The following PTPRD variants were observed in gnomAD, a reference collection of about 807,000 sequenced individuals.
PTPRD encodes protein tyrosine phosphatase receptor type D.
PTPRD carries 34 observed loss-of-function variants against 214.5 expected under a neutral mutation model. The observed-to-expected ratio is 0.16, with a 90% CI of 0.12 to 0.21. The LOEUF (loss-of-function observed/expected upper bound fraction) is 0.21. Ranked by LOEUF, PTPRD falls within the 10% of genes least tolerant of loss-of-function variation. The probability of loss-of-function intolerance (pLI) is 1.00; values close to 1 mark genes in which losing one functional copy is unlikely to be tolerated. For missense variants in PTPRD, 2,545 were observed against 2,398.7 expected (o/e 1.06, Z -1.27); for synonymous variants, 1,128 against 845.7 (o/e 1.33, Z -5.79).
intron 6 of PTPRD, among the ~76,000 whole-genome samples, chr9:9,752,024 T>G (rs1282463404): frequency 6.6e-6 from 1 of 152,144 alleles, no homozygotes; most frequent in African/African-American, 2.4e-5. Flanking sequence ...TCATTTCTAT[T>G]TTTAGGAATT....
At chr9:9,360,542 G>A (rs2055697208) in intron 9 of PTPRD, among the ~76,000 whole-genome samples, 1 of 150,966 alleles carries the variant, frequency 6.6e-6, no homozygotes, top group African/African-American at 2.4e-5. Flanking sequence ...TCTGAAATAG[G>A]TAAATTGGGA....
Position 9,914,140 on chromosome 9 carries a change from C to T in PTPRD, c.-368+24367G>A, listed in dbSNP as rs1278628111. Among the ~76,000 whole-genome samples the T allele has an allele frequency of 2.0e-5, 3 of 152,184 alleles. No homozygotes were observed. The East Asian group carries it at 5.8e-4, about 29-fold the overall frequency. ...AACTAGCCAAATGCTGCACTCCTTT[C>T]CCAATGCAGGAGAGAACTCCGAGGT... On this transcript the variant is annotated intron_variant, in intron 5 of 45. Transcript: ENST00000381196.
At chr9:9,517,632 C>T (rs1319322206) in intron 8 of PTPRD, among the ~76,000 whole-genome samples, 2 of 151,792 alleles carry the variant, frequency 1.3e-5, no homozygotes, top group Non-Finnish European at 2.9e-5. Context: ...CATTAGAATC[C>T]AATTTACAAA....
intron 3 of PTPRD, among the ~76,000 whole-genome samples, chr9:10,048,822 T>C (rs963397274): frequency 2.0e-5 from 3 of 152,044 alleles, no homozygotes; most frequent in Non-Finnish European, 1.5e-5. Context: ...ATGCTAACAA[T>C]TCATAGTAAC....
intron 5 of PTPRD, among the ~76,000 whole-genome samples, chr9:9,798,719 G>C (rs2153500271): frequency 1.3e-5 from 2 of 152,290 alleles, no homozygotes; most frequent in Middle Eastern, 3.4e-3. Context: ...GTAGAGAAGA[G>C]AACAAGAAGG....
intron 10 of PTPRD, among the ~76,000 whole-genome samples, chr9:9,079,801 A>G (rs370388772): frequency 9.9e-5 from 15 of 152,184 alleles, no homozygotes; most frequent in African/African-American, 3.6e-4. Flanking sequence ...ACCAAAATTC[A>G]GCCCATATGC....
At chr9:8,948,406 AATATATATAT>A (rs200142612) in intron 11 of PTPRD, among the ~76,000 whole-genome samples, 19 of 57,122 alleles carry the variant, frequency 3.3e-4, no homozygotes, top group Non-Finnish European at 6.0e-4. Context: ...TTGGGTTTAA[AATATATATAT>A]ATATATATTT....
chr9:8,777,208 G>A (rs576390921), intron 11 of PTPRD, among the ~76,000 whole-genome samples: 26 of 151,884 alleles, frequency 1.7e-4, no homozygotes, highest in African/African-American at 6.0e-4. Context: ...TTGAACTCCT[G>A]GGCTCAAGTG....
intron 2 of PTPRD, among the ~76,000 whole-genome samples, chr9:10,595,624 TTTTAA>T (rs1336473561): frequency 3.3e-5 from 5 of 151,510 alleles, no homozygotes; most frequent in Admixed American, 6.6e-5. Flanking sequence ...TTCTGGGTAC[TTTTAA>T]TTTAATTGAT....
intron 11 of PTPRD, among the ~76,000 whole-genome samples, chr9:8,919,685 T>G (rs2098811438): frequency 6.6e-6 from 1 of 152,148 alleles, no homozygotes; most frequent in South Asian, 2.1e-4. Context: ...GTGTATATAT[T>G]TATACATGCA....
At chr9:10,494,372 T>C (rs1282489730) in intron 2 of PTPRD, among the ~76,000 whole-genome samples, 1 of 151,808 alleles carries the variant, frequency 6.6e-6, no homozygotes, top group Non-Finnish European at 1.5e-5. Flanking sequence ...TTTACTCTAA[T>C]TTCTGTCAAC....
At chr9:10,018,074 T>C (rs920428589) in intron 4 of PTPRD, among the ~76,000 whole-genome samples, 3 of 152,078 alleles carry the variant, frequency 2.0e-5, no homozygotes, top group Non-Finnish European at 4.4e-5. Context: ...TTTTGATTAG[T>C]AATTTCATTA....
intron 3 of PTPRD, among the ~76,000 whole-genome samples, chr9:10,297,743 G>C (rs1332900370): frequency 2.0e-5 from 3 of 152,014 alleles, no homozygotes. Flanking sequence ...AAAACTATGA[G>C]TTTCAACTCT....
chr9:9,605,348 C>G (rs1252975668), intron 7 of PTPRD, among the ~76,000 whole-genome samples: 1 of 151,988 alleles, frequency 6.6e-6, no homozygotes. Context: ...AGTCCCTGAC[C>G]TATAGTGTCT....
intron 3 of PTPRD, among the ~76,000 whole-genome samples, chr9:10,124,813 A>G (rs2154251443): frequency 6.6e-6 from 1 of 152,350 alleles, no homozygotes; most frequent in Non-Finnish European, 1.5e-5. Flanking sequence ...ATTTCGCAGA[A>G]TACAAAATTT....
chr9:9,318,757 T>C (rs149435943), intron 9 of PTPRD, among the ~76,000 whole-genome samples: 1 of 152,322 alleles, frequency 6.6e-6, no homozygotes, highest in Non-Finnish European at 1.5e-5. Context: ...AATCTACTTT[T>C]ATCATAATAT....
intron 8 of PTPRD, among the ~76,000 whole-genome samples, chr9:9,533,322 T>C (rs1008317472): frequency 3.3e-5 from 5 of 152,074 alleles, no homozygotes; most frequent in Middle Eastern, 3.2e-3. Context: ...TCTAGCTGAA[T>C]TTTTCTTTTC....
At chr9:8,945,169 G>C (rs2099056120) in intron 11 of PTPRD, among the ~76,000 whole-genome samples, 1 of 150,564 alleles carries the variant, frequency 6.6e-6, no homozygotes, top group African/African-American at 2.4e-5. Context: ...GGATCGGTTT[G>C]TGTTACTGTA....
chr9:8,924,304 G>A (rs998524136), intron 11 of PTPRD, among the ~76,000 whole-genome samples: 7 of 152,124 alleles, frequency 4.6e-5, no homozygotes, highest in African/African-American at 1.7e-4. Context: ...ATTTCAATCA[G>A]GTATTTATTG....
Sources: allele counts gnomAD v4.1 joint callset (sites outside exome capture counted in the v4.1 genomes callset), GRCh38; gene constraint gnomAD v4.1.1; transcripts MANE v1.5; gene names NCBI Gene and HGNC (gene_info 2026-07-23, HGNC 2026-07-21).